The following ATAT1 variants were observed in gnomAD, a reference collection of about 807,000 sequenced individuals.
The protein encoded by ATAT1 is alpha-tubulin N-acetyltransferase 1.
In ATAT1, 42 loss-of-function variants were observed where a neutral mutation model predicts 57.2. That is an observed-to-expected ratio of 0.73 (90% confidence interval 0.57 to 0.95). ATAT1 has a LOEUF of 0.95. Ranked by LOEUF, ATAT1 falls within the 40% of genes least tolerant of loss-of-function variation. ATAT1 has a pLI of 0.00. For missense variants in ATAT1, 454 were observed against 523.7 expected, an observed-to-expected ratio of 0.87 and a Z score of 1.30; for synonymous variants, 168 against 187.1, an observed-to-expected ratio of 0.90 and a Z score of 0.83.
At chr6:30,643,854 C>T (rs1288875558) in intron 10 of ATAT1, 2 of 1,301,664 alleles carry the variant, frequency 1.5e-6, no homozygotes, top group African/African-American at 1.5e-5. Context: ...ATGGCTCATA[C>T]ATTTATCTAG....
chr6:30,644,063 C>G (rs547130161), intron 10 of ATAT1: 2 of 989,166 alleles, frequency 2.0e-6, no homozygotes, highest in African/African-American at 3.5e-5. Flanking sequence ...CGCTAGTGAG[C>G]AAGCTCTGCT....
At chr6:30,635,609 G>T (rs1316661973) in intron 6 of ATAT1, among the ~76,000 whole-genome samples, 1 of 150,828 alleles carries the variant, frequency 6.6e-6, no homozygotes, top group Non-Finnish European at 1.5e-5. Flanking sequence ...AAAAAGAAAA[G>T]AAAACTGAAA....
Position 30,646,806 on chromosome 6 carries a change from T to C in ATAT1, c.*163T>C. 8.3e-7 allele frequency: 1 copy of C among 1,202,364 alleles called. No individual in the cohort carries two copies. Among genetic ancestry groups the C allele is most frequent in the Non-Finnish European group, 1.1e-6 (1 of 904,898 alleles). 74.5% of individuals were successfully genotyped at this position (1,202,364 alleles called of 1,614,324 possible). ...TCTTTTAACCAGACCAATAAAAGTA[T>C]TTATTTTTATCACAAGAGCTGTTGA... On this transcript the variant is annotated 3_prime_UTR_variant, in exon 13 of 13. Transcript: ENST00000330083.
chr6:30,640,624 G>A, intron 8 of ATAT1, 21 bp downstream of exon 8: 1 of 1,611,850 alleles, frequency 6.2e-7, no homozygotes, highest in African/African-American at 1.3e-5. Flanking sequence ...TATTGAAGGG[G>A]TGGAACTGTA....
intron 6 of ATAT1, among the ~76,000 whole-genome samples, chr6:30,638,555 C>A (rs975004112): frequency 1.3e-5 from 2 of 151,860 alleles, no homozygotes; most frequent in African/African-American, 4.8e-5. Flanking sequence ...CAGGCGTGAT[C>A]CACCACGCCT....
chr6:30,643,902 C>A (rs1426890649), intron 10 of ATAT1: 34 of 1,202,400 alleles, frequency 2.8e-5, no homozygotes, highest in Non-Finnish European at 3.3e-5. Flanking sequence ...CTTTAGACCA[C>A]CATGGAAGGT....
At chr6:30,637,905 G>A (rs1288752273) in intron 6 of ATAT1, among the ~76,000 whole-genome samples, 2 of 152,164 alleles carry the variant, frequency 1.3e-5, no homozygotes, top group African/African-American at 2.4e-5. Flanking sequence ...GAACTCAGGA[G>A]GTGGAGGTTG....
chr6:30,646,597 G>T lies in ATAT1; in HGVS notation c.1184G>T (p.Arg395Met). ...GTGGGTGGGGACATACTCAACGCCA[G>T]GTTCATTCGAAACCTGCAGGAACGT... is the stretch of plus-strand genomic sequence containing the variant. The change falls in exon 13 of 13, where the codon AGG becomes ATG. Residue 395 changes from arginine (R) to methionine (M), a missense_variant. Arg to Met is a moderately conservative substitution (Grantham distance 91). Around this residue, in one of 3 missense-constraint regions of ATAT1, gnomAD observed 216 missense variants for 222.2 expected, o/e 0.97. Transcript: ENST00000330083. The T allele has an allele frequency of 6.3e-7, 1 of 1,576,816 alleles. No homozygotes were observed. The highest frequency in any genetic ancestry group is 8.6e-7 in the Non-Finnish European group (1 of 1,161,568).
Position 30,646,057 on chromosome 6 carries a change from A to T in ATAT1, c.1013-10A>T, listed in dbSNP as rs151002686. ...CTGCCTTCCCATTCACATGCCTGAT[A>T]TTTCCACAGGCAACCAAGACTCCAA... On this transcript the variant is annotated splice_polypyrimidine_tract_variant and intron_variant, in intron 11 of 12. Transcript: ENST00000330083. 315 of 1,611,008 alleles carry T rather than the reference A, an allele frequency of 2.0e-4. No homozygotes were observed. The highest frequency in any genetic ancestry group is 2.5e-4 in the Non-Finnish European group (294 of 1,178,526).
At chr6:30,634,315 AT>A (rs1363335979) in intron 6 of ATAT1, among the ~76,000 whole-genome samples, 1 of 151,780 alleles carries the variant, frequency 6.6e-6, no homozygotes, top group African/African-American at 2.4e-5. Flanking sequence ...CAGTGGTGCG[AT>A]CTTGGCTCAC....
At position 30,640,518 on chromosome 6, in the gene ATAT1, C is replaced by T. The variant is rs760185245; in HGVS notation, c.548-17C>T. 12 of 1,612,870 alleles carry T rather than the reference C, an allele frequency of 7.4e-6. No individual in the cohort carries two copies. Among genetic ancestry groups the T allele is most frequent in the Admixed American group, 3.3e-5 (2 of 59,998 alleles). The stretch of plus-strand genomic sequence containing the variant: ...CCGACCCCTCACTGAGGGGCCCCGC[C>T]GCTTCCTTCCTCACAGGGCCCCCTG... On this transcript the variant is annotated splice_polypyrimidine_tract_variant and intron_variant, in intron 7 of 12. Transcript: ENST00000330083.
intron 6 of ATAT1, 24 bp downstream of exon 6, chr6:30,628,454 C>T: frequency 1.3e-6 from 2 of 1,537,784 alleles, no homozygotes; most frequent in South Asian, 1.1e-5. Flanking sequence ...GAGAATAGAT[C>T]CCCACTGAGC....
intron 6 of ATAT1, among the ~76,000 whole-genome samples, chr6:30,636,835 G>A (rs1764207950): frequency 6.6e-6 from 1 of 151,786 alleles, no homozygotes; most frequent in South Asian, 2.1e-4. Context: ...ATTTTGAGAT[G>A]GAGTCTCAGT....
At position 30,627,061 on chromosome 6, in the gene ATAT1, G is replaced by A; in HGVS notation, c.-143G>A. The A allele has an allele frequency of 1.3e-6, 2 of 1,548,300 alleles. No homozygotes were observed. The highest frequency in any genetic ancestry group is 1.4e-5 in the African/African-American group (1 of 73,356). On this transcript the variant is annotated 5_prime_UTR_variant, in exon 1 of 13. Transcript: ENST00000330083. Reference sequence around the variant, plus strand: ...TCTCCAAACCTGGTCCAGGCACCACGCCCCCTTCTCACTGACTAGTGATCG... The same window carrying A: ...TCTCCAAACCTGGTCCAGGCACCACACCCCCTTCTCACTGACTAGTGATCG...
intron 6 of ATAT1, among the ~76,000 whole-genome samples, chr6:30,639,879 A>G (rs1283146261): frequency 6.6e-6 from 1 of 151,912 alleles, no homozygotes; most frequent in Non-Finnish European, 1.5e-5. Context: ...CACGTCTATA[A>G]TCCCAGGACT....
At chr6:30,628,559 C>G (rs2127482356) in intron 6 of ATAT1, 129 bp downstream of exon 6, 1 of 756,072 alleles carries the variant, frequency 1.3e-6, no homozygotes, top group East Asian at 2.7e-5. Flanking sequence ...CTCTTTCTTT[C>G]TCTTGTGGTA....
Position 30,640,382 on chromosome 6 carries a change from C to G in ATAT1, c.507C>G (p.Asn169Lys). ...TTGTTTGTTTCATCTTCCAGGTGAA[C>G]AACTTTGTGATCTTTGAAGGCTTCT... is the stretch of plus-strand genomic sequence containing the variant. Residue 169 changes from asparagine to lysine, a missense_variant, in exon 7 of 13, where the codon AAC becomes AAG. Transcript: ENST00000330083. 1 of 1,613,038 alleles carries G rather than the reference C, an allele frequency of 6.2e-7. No homozygotes were observed. Among genetic ancestry groups the G allele is most frequent in the Non-Finnish European group, 8.5e-7 (1 of 1,180,026 alleles).
chr6:30,641,236 G>A (rs1362251369), intron 8 of ATAT1, among the ~76,000 whole-genome samples: 1 of 152,178 alleles, frequency 6.6e-6, no homozygotes, highest in Non-Finnish European at 1.5e-5. Context: ...TTGCACAGAA[G>A]AGCCCCCTTC....
intron 6 of ATAT1, among the ~76,000 whole-genome samples, chr6:30,632,268 T>TA (rs3058942): frequency 0.18 from 20,709 of 117,834 alleles, 1,849 homozygotes; most frequent in Middle Eastern, 0.26. Flanking sequence ...GACTCCTTCT[T>TA]AAAAAAAAAA....
Sources: allele counts gnomAD v4.1 joint callset (sites outside exome capture counted in the v4.1 genomes callset), GRCh38; gene constraint gnomAD v4.1.1; regional missense constraint gnomAD v4.1.1; transcripts MANE v1.5; gene names NCBI Gene and HGNC (gene_info 2026-07-23, HGNC 2026-07-21).